The following GPC5 variants were observed in gnomAD, a reference collection of about 807,000 sequenced individuals.
The protein encoded by GPC5 is glypican 5.
In GPC5, 47 loss-of-function variants were observed where a neutral mutation model predicts 53.9. That is an observed-to-expected ratio of 0.87 (90% confidence interval 0.69 to 1.11). The LOEUF is 1.11. GPC5 is among the 50% of genes most tolerant of loss of function. GPC5 has a pLI of 0.00. For synonymous variants in GPC5, 286 were observed against 263.3 expected, an observed-to-expected ratio of 1.09 and a Z score of -0.84; for missense variants, 748 against 713.1, an observed-to-expected ratio of 1.05 and a Z score of -0.56.
chr13:91,472,086 T>C (rs1882667760), intron 2 of GPC5, among the ~76,000 whole-genome samples: 1 of 152,178 alleles, frequency 6.6e-6, no homozygotes, highest in African/African-American at 2.4e-5. Context: ...CCTTCTGCAA[T>C]AGGTCTTGTT....
chr13:91,607,619 G>T (rs1447716698), intron 2 of GPC5, among the ~76,000 whole-genome samples: 1 of 152,168 alleles, frequency 6.6e-6, no homozygotes, highest in South Asian at 2.1e-4. Flanking sequence ...AAAGGTTTTA[G>T]TAGAAAGCAG....
At chr13:91,526,024 T>C (rs1886071538) in intron 2 of GPC5, among the ~76,000 whole-genome samples, 1 of 152,088 alleles carries the variant, frequency 6.6e-6, no homozygotes, top group African/African-American at 2.4e-5. Context: ...ATTTTGGGGA[T>C]TGAGGACATG....
intron 5 of GPC5, among the ~76,000 whole-genome samples, chr13:91,867,386 G>A (rs2039097041): frequency 6.6e-6 from 1 of 152,176 alleles, no homozygotes; most frequent in African/African-American, 2.4e-5. Context: ...AGAGTAATGT[G>A]GCAGTCCAGG....
At chr13:91,459,366 GA>G (rs1881780777) in intron 2 of GPC5, among the ~76,000 whole-genome samples, 1 of 152,020 alleles carries the variant, frequency 6.6e-6, no homozygotes, top group Non-Finnish European at 1.5e-5. Context: ...ATAGCCTACA[GA>G]AAAGAGGCAC....
chr13:91,798,979 CAT>C (rs915704174), intron 5 of GPC5, among the ~76,000 whole-genome samples: 2 of 152,034 alleles, frequency 1.3e-5, no homozygotes, highest in Non-Finnish European at 2.9e-5. Context: ...GACTTTTTTT[CAT>C]ATGTTTATTG....
chr13:91,487,978 TG>T (rs2139241623), intron 2 of GPC5, among the ~76,000 whole-genome samples: 1 of 151,598 alleles, frequency 6.6e-6, no homozygotes, highest in South Asian at 2.1e-4. Context: ...AGGAGATAGA[TG>T]TATAAAAAAT....
chr13:92,499,459 G>C (rs9523688), intron 7 of GPC5, among the ~76,000 whole-genome samples: 14,376 of 152,162 alleles, frequency 0.094, 804 homozygotes, highest in Non-Finnish European at 0.13. Flanking sequence ...AGAATCAGTT[G>C]ATTATTATTG....
At chr13:92,224,721 G>A (rs1461238421) in intron 7 of GPC5, among the ~76,000 whole-genome samples, 1 of 152,144 alleles carries the variant, frequency 6.6e-6, no homozygotes, top group Admixed American at 6.6e-5. Flanking sequence ...ATAGGCTTAG[G>A]CAAGCTTCCC....
intron 7 of GPC5, among the ~76,000 whole-genome samples, chr13:92,483,736 A>AT (rs1879445264): frequency 6.6e-6 from 1 of 151,984 alleles, no homozygotes; most frequent in Non-Finnish European, 1.5e-5. Flanking sequence ...AACATACTGT[A>AT]CAGTTATACC....
chr13:92,743,376 GCTCT>G (rs565143823), intron 7 of GPC5, among the ~76,000 whole-genome samples: 288 of 152,064 alleles, frequency 1.9e-3, no homozygotes, highest in Non-Finnish European at 3.3e-3. Flanking sequence ...TCATGATTTG[GCTCT>G]CTGTTTGTCT....
intron 2 of GPC5, among the ~76,000 whole-genome samples, chr13:91,632,883 C>A (rs1173662617): frequency 1.3e-5 from 2 of 151,938 alleles, no homozygotes; most frequent in Admixed American, 6.6e-5. Context: ...AGCTGAAACC[C>A]GTGTTGGAAT....
chr13:92,234,502 G>A (rs1279019089), intron 7 of GPC5, among the ~76,000 whole-genome samples: 3 of 152,100 alleles, frequency 2.0e-5, no homozygotes, highest in Admixed American at 6.6e-5. Flanking sequence ...AATGGTCAAA[G>A]CAGAAAGCTT....
intron 7 of GPC5, among the ~76,000 whole-genome samples, chr13:92,391,598 G>A (rs1335311781): frequency 1.3e-5 from 2 of 152,024 alleles, no homozygotes; most frequent in African/African-American, 4.8e-5. Flanking sequence ...TTATACTATA[G>A]ATCAATTTAT....
intron 6 of GPC5, among the ~76,000 whole-genome samples, chr13:91,930,097 T>C (rs1480871934): frequency 2.0e-5 from 3 of 152,048 alleles, no homozygotes; most frequent in Non-Finnish European, 2.9e-5. Context: ...GATCCCTTTG[T>C]TCAAAAATTA....
chr13:91,493,081 T>C (rs1023853855), intron 2 of GPC5, among the ~76,000 whole-genome samples: 3 of 152,232 alleles, frequency 2.0e-5, no homozygotes, highest in African/African-American at 7.2e-5. Flanking sequence ...ATTATTATCA[T>C]CATCCTCTTC....
intron 7 of GPC5, among the ~76,000 whole-genome samples, chr13:92,849,159 T>C (rs1342489875): frequency 2.0e-5 from 3 of 152,116 alleles, no homozygotes; most frequent in Admixed American, 2.0e-4. Context: ...CAAAGAACCA[T>C]CATCACAGCC....
chr13:92,024,153 G>A lies in GPC5; in HGVS notation c.1401+116096G>A, dbSNP rs564082173. On this transcript the variant is annotated intron_variant, in intron 6 of 7. Coordinates refer to ENST00000377067, the MANE Select transcript of GPC5 (RefSeq NM_004466.6). ...ATGAATCAATATTTAATTTCAGAAA[G>A]AGGGCTATGCTTTCTTCTTTGATTT... Among the ~76,000 whole-genome samples the A allele has an allele frequency of 8.5e-5, 13 of 152,196 alleles. No homozygotes were observed. In the East Asian group the frequency reaches 2.5e-3, roughly 29 times the overall value.
intron 7 of GPC5, among the ~76,000 whole-genome samples, chr13:92,295,042 C>T (rs2043025103): frequency 6.6e-6 from 1 of 151,898 alleles, no homozygotes; most frequent in African/African-American, 2.4e-5. Context: ...GTTGGCCAGG[C>T]TGGTCTCAAA....
intron 5 of GPC5, among the ~76,000 whole-genome samples, chr13:91,897,520 C>T (rs1365101764): frequency 2.6e-5 from 4 of 152,074 alleles, no homozygotes; most frequent in Admixed American, 2.6e-4. Context: ...CTACAAAAAT[C>T]AGCTTTTGAC....
Sources: gnomAD v4.1 joint callset for allele counts (sites outside exome capture counted in the v4.1 genomes callset) on GRCh38, gnomAD v4.1.1 for gene constraint, MANE v1.5 for transcripts, NCBI Gene and HGNC (gene_info 2026-07-23, HGNC 2026-07-21) for gene names.